The following PGGHG variants were observed in gnomAD, a reference collection of about 807,000 sequenced individuals.
The protein encoded by PGGHG is protein-glucosylgalactosylhydroxylysine glucosidase.
A neutral mutation model predicts 74.5 loss-of-function variants in PGGHG; 67 were observed. That is an observed-to-expected ratio of 0.90 (90% CI 0.74 to 1.10). The LOEUF is 1.10. Among genes scored for constraint, PGGHG ranks in the 50% least tolerant of loss-of-function variants. The probability of loss-of-function intolerance (pLI) is 0.00; values close to 1 mark genes in which losing one functional copy is unlikely to be tolerated. For missense variants in PGGHG, 1,034 were observed against 981.5 expected (o/e 1.05, Z -0.72); for synonymous variants, 496 against 419.9 (o/e 1.18, Z -2.21).
chr11:293,091 C>T lies in PGGHG; in HGVS notation c.1271-72C>T, dbSNP rs780718419. On this transcript the variant is annotated intron_variant, in intron 7 of 13. Transcript: ENST00000409548. ...AGACACCTCACGTGTGCCAGCCCCA[C>T]GCTGACCACCGGCGTGGAGGGAAGG... 2.3e-5 allele frequency: 37 copies of T among 1,613,812 alleles called. 1 individual carries two copies. In the Middle Eastern group the frequency reaches 4.9e-4, roughly 22 times the overall value.
rs543665030 is a variant in PGGHG at position 294,581 on chromosome 11, G to A, written c.2046G>A (p.Ser682=). 1.3e-4 allele frequency: 155 copies of A among 1,173,556 alleles called. 2 individuals are homozygous for A. In the South Asian group the frequency reaches 2.3e-3, roughly 18 times the overall value. The allele number at this position is 1,173,556 out of a possible 1,614,324, so 72.7% of individuals were successfully genotyped here. A position where few individuals can be genotyped will look rare whatever the true frequency, so the allele number is the denominator to read the frequency against. The change falls in exon 14 of 14, where the codon TCG becomes TCA. Residue 682 remains serine (S), a synonymous_variant. Transcript: ENST00000409548. ...GACACAAGGTCTCCTTTCCCCGCTC[G>A]GCTGGCCGGATACAAATGTCACCCC... ...LPGHKVSFPR[S]AGRIQMSPPK... is the part of the protein sequence containing the mutation.
At chr11:293,263 C>G in intron 8 of PGGHG, 28 bp downstream of exon 8, 3 of 1,605,534 alleles carry the variant, frequency 1.9e-6, no homozygotes, top group Non-Finnish European at 2.6e-6. Context: ...CTCACCTCAC[C>G]CCACCCCCGC....
chr11:291,168 C>A, intron 4 of PGGHG, 55 bp downstream of exon 4: 4 of 1,498,234 alleles, frequency 2.7e-6, no homozygotes, highest in Non-Finnish European at 3.6e-6. Context: ...TGGAGGTCCA[C>A]GGTCTCTGCC....
rs529604896 is a variant in PGGHG at position 295,492 on chromosome 11, G to A, written c.*743G>A. 4 of 152,404 alleles carry A rather than the reference G, an allele frequency of 2.6e-5. No individual in the cohort carries two copies. Among genetic ancestry groups the A allele is most frequent in the African/African-American group, 9.6e-5 (4 of 41,594 alleles). The allele number at this position is 152,404 out of a possible 1,614,324, so 9.4% of individuals were successfully genotyped here. A position where few individuals can be genotyped will look rare whatever the true frequency, so the allele number is the denominator to read the frequency against. ...CCAGCCAGAGGGACTGGAGCCAGGT[G>A]TGCATGGGTTCAAGGCCCTGGCCCT... On this transcript the variant is annotated 3_prime_UTR_variant, in exon 14 of 14. Transcript: ENST00000409548.
Position 290,867 on chromosome 11 carries a change from G to C in PGGHG, c.660G>C (p.Gln220His), listed in dbSNP as rs1188000035. The C allele has an allele frequency of 6.2e-7, 1 of 1,611,502 alleles. No individual in the cohort carries two copies. The highest frequency in any genetic ancestry group is 1.7e-5 in the Admixed American group (1 of 59,846). The stretch of plus-strand genomic sequence containing the variant: ...AGGCCTGCCTCACTGAGGCCCTGCA[G>C]CTGCAGGCCAGGGGAGCTCTGTATA... The part of the protein sequence containing the change: ...EAQACLTEAL[Q>H]LQARGALYTA... The change falls in exon 4 of 14, where the codon CAG becomes CAC. Residue 220 changes from glutamine to histidine, a missense_variant. Physicochemically the swap from Gln to His is conservative, Grantham distance 24. Coordinates refer to ENST00000409548, the MANE Select transcript of PGGHG (RefSeq NM_025092.5).
chr11:292,277 G>A (rs1273550644), intron 5 of PGGHG, among the ~76,000 whole-genome samples, 182 bp downstream of exon 5: 5 of 151,996 alleles, frequency 3.3e-5, no homozygotes, highest in Non-Finnish European at 5.9e-5. Flanking sequence ...AGAGAGAGGA[G>A]GTGGGAACCG....
In PGGHG at chr11:289,743, C is replaced by G; in HGVS notation, c.-13-61C>G. The stretch of plus-strand genomic sequence containing the variant: ...GAGGGAGGCTTCAGGGGATTACAGA[C>G]GGTCTCAAGAGGGAGGCCCAGCCAG... On this transcript the variant is annotated intron_variant, in intron 1 of 13. Coordinates refer to ENST00000409548, the MANE Select transcript of PGGHG (RefSeq NM_025092.5). The surrounding 1 kb of genome is among the most constrained non-coding windows in gnomAD (Gnocchi z 5.6). 1 of 1,479,356 alleles carries G rather than the reference C, an allele frequency of 6.8e-7. No homozygotes were observed. The highest frequency in any genetic ancestry group is 1.4e-5 in the African/African-American group (1 of 71,418). 91.6% of individuals were successfully genotyped at this position (1,479,356 alleles called of 1,614,324 possible).
At chr11:290,287 G>C (rs1230936590) in intron 2 of PGGHG, 103 bp from the exon 3 acceptor site, 2 of 1,389,972 alleles carry the variant, frequency 1.4e-6, no homozygotes. Flanking sequence ...GGGCCCAGAG[G>C]GATCCGCCTC....
At chr11:290,176 A>G in intron 2 of PGGHG, 101 bp downstream of exon 2, 2 of 1,439,954 alleles carry the variant, frequency 1.4e-6, no homozygotes, top group Non-Finnish European at 9.1e-7. Flanking sequence ...GAGTTTACAC[A>G]GGAAGTCTCA....
chr11:290,534 G>A lies in PGGHG; in HGVS notation c.404G>A (p.Arg135Gln), dbSNP rs774165176. ...AGCGGGCCCATCACGCTGCTCCTGC[G>A]GTCAGCCTTCTCCCCAGAAAGCCCA... ...PGSGPITLLLRSAFSPESPDL... is the reference protein window; with the variant it reads ...PGSGPITLLLQSAFSPESPDL... The change falls in exon 3 of 14, where the codon CGG becomes CAG. Residue 135 changes from arginine to glutamine, a missense_variant. By Grantham distance (43) the Arg-to-Gln change is conservative (BLOSUM62 1). Transcript: ENST00000409548. 103 of 1,550,566 alleles carry A rather than the reference G, an allele frequency of 6.6e-5. No homozygotes were observed. Among genetic ancestry groups the A allele is most frequent in the Middle Eastern group, 1.7e-4 (1 of 5,970 alleles).
Position 289,623 on chromosome 11 carries a change from C to G in PGGHG, c.-13-181C>G, listed in dbSNP as rs1017102713. 9.4e-6 allele frequency: 7 copies of G among 740,882 alleles called. No individual in the cohort carries two copies. The highest frequency in any genetic ancestry group is 1.5e-5 in the Non-Finnish European group (7 of 468,870). The allele number at this position is 740,882 out of a possible 1,614,324, so 45.9% of individuals were successfully genotyped here. A position where few individuals can be genotyped will look rare whatever the true frequency, so the allele number is the denominator to read the frequency against. On this transcript the variant is annotated intron_variant, in intron 1 of 13. Transcript: ENST00000409548. The surrounding 1 kb of genome is among the most constrained non-coding windows in gnomAD (Gnocchi z 5.6). ...ATCAACCTTTGGGGTCTGAGCCCCTCTGAGAGTCGAGCTCCTTTCCTGCGA... is the reference window on the plus strand; with the variant it reads ...ATCAACCTTTGGGGTCTGAGCCCCTGTGAGAGTCGAGCTCCTTTCCTGCGA...
At position 290,822 on chromosome 11, in the gene PGGHG, C is replaced by A. The variant is rs564622719; in HGVS notation, c.615C>A (p.Gly205=). The change falls in exon 4 of 14, where the codon GGC becomes GGA. Residue 205 remains glycine, a synonymous_variant. Transcript: ENST00000409548. ...ARTWDFLTAV[G]GSQAEAQACL... ...CGTGGGACTTCCTGACAGCAGTGGG[C>A]GGCAGCCAGGCTGAGGCTCAGGCCT... 1.2e-5 allele frequency: 20 copies of A among 1,612,268 alleles called. No individual in the cohort carries two copies. In the South Asian group the frequency reaches 2.1e-4, roughly 17 times the overall value.
rs771288111 is a variant in PGGHG at position 290,928 on chromosome 11, G to C, written c.721G>C (p.Glu241Gln). Residue 241 changes from glutamate to glutamine, a missense_variant, in exon 4 of 14, where the codon GAA becomes CAA. Glu to Gln is a conservative substitution (Grantham distance 29). Coordinates refer to ENST00000409548, the MANE Select transcript of PGGHG (RefSeq NM_025092.5). ...ACAGGCCTGGGCCCAGCTCTGGGTA[G>C]AATGTGGCTTGGACGTGGTGGGGCC... Reference protein sequence around the residue: ...HAQAWAQLWVECGLDVVGPLQ... With the variant: ...HAQAWAQLWVQCGLDVVGPLQ... The C allele has an allele frequency of 1.9e-6, 3 of 1,612,482 alleles. No homozygotes were observed. In the South Asian group the frequency reaches 3.3e-5, roughly 18 times the overall value.
chr11:294,357 G>C lies in PGGHG; in HGVS notation c.1899G>C (p.Lys633Asn). The C allele has an allele frequency of 6.2e-7, 1 of 1,613,194 alleles. No homozygotes were observed. Among genetic ancestry groups the C allele is most frequent in the Non-Finnish European group, 8.5e-7 (1 of 1,179,984 alleles). Residue 633 changes from lysine to asparagine, a missense_variant, in exon 13 of 14, where the codon AAG (lysine) becomes AAC (asparagine). Lys to Asn is a moderately conservative substitution (Grantham distance 94). Transcript: ENST00000409548. ...CCGGCATCTTCTACCAGGGGAACAA[G>C]CTCAACTTCTCTTTTTCCGAGGACT... is the stretch of plus-strand genomic sequence containing the variant. Reference protein sequence around the residue: ...SVSGIFYQGNKLNFSFSEDSV... With the variant: ...SVSGIFYQGNNLNFSFSEDSV...
intron 4 of PGGHG, 105 bp from the exon 5 acceptor site, chr11:291,870 AC>A: frequency 6.9e-7 from 1 of 1,447,728 alleles, no homozygotes; most frequent in South Asian, 1.4e-5. Flanking sequence ...CCGAGGAGGA[AC>A]CCAGAAGACG....
In PGGHG at chr11:290,608, G is replaced by C. The variant is rs1319415143; in HGVS notation, c.470+8G>C. 4 of 1,580,906 alleles carry C rather than the reference G, an allele frequency of 2.5e-6. No individual in the cohort carries two copies. In the African/African-American group the frequency reaches 5.4e-5, roughly 21 times the overall value. ...TGACTTCCAGGGAGCCCGGTAAGGA[G>C]GGGGCTGGATTTGCAGCCAGGGAGT... On this transcript the variant is annotated splice_region_variant and intron_variant, in intron 3 of 13. Transcript: ENST00000409548.
chr11:292,870 T>G lies in PGGHG; in HGVS notation c.1159-16T>G, dbSNP rs1845767278. 6 of 1,613,686 alleles carry G rather than the reference T, an allele frequency of 3.7e-6. No homozygotes were observed. The highest frequency in any genetic ancestry group is 4.2e-6 in the Non-Finnish European group (5 of 1,179,958). ...TGACTGGGGCCCTGGCCTCTGTGCC[T>G]CCTCCTGCTCCCCAGGACCTGCAGC... On this transcript the variant is annotated splice_polypyrimidine_tract_variant and intron_variant, in intron 6 of 13. Coordinates refer to ENST00000409548, the MANE Select transcript of PGGHG (RefSeq NM_025092.5).
At chr11:294,510 C>CAACCCCAGGCTGTCCCTCACCCCCA (rs754608187) in intron 13 of PGGHG, 32 bp downstream of exon 13, 15 of 1,595,890 alleles carry the variant, frequency 9.4e-6, no homozygotes, top group East Asian at 2.3e-5. Flanking sequence ...CAGGTGCCTG[C>CAACCCCAGGCTGTCCCTCACCCCCA]GACCCCAGGC....
chr11:292,756 TTG>T, intron 6 of PGGHG, 79 bp downstream of exon 6: 1 of 1,608,802 alleles, frequency 6.2e-7, no homozygotes, highest in Admixed American at 1.7e-5. Flanking sequence ...GGCTTCCTGT[TTG>T]GGGCTGGTCC....
Sources: allele counts gnomAD v4.1 joint callset (sites outside exome capture counted in the v4.1 genomes callset), GRCh38; gene constraint gnomAD v4.1.1; non-coding constraint Gnocchi (gnomAD v3.1); transcripts MANE v1.5; gene names NCBI Gene and HGNC (gene_info 2026-07-23, HGNC 2026-07-21).